The following FHIP1A variants were observed in gnomAD, a reference collection of about 807,000 sequenced individuals.
FHIP1A encodes FHF complex subunit HOOK interacting protein 1A, also known as FHF complex subunit HOOK-interacting protein 1A.
FHIP1A carries 61 observed loss-of-function variants against 88.6 expected under a neutral mutation model. That is an observed-to-expected ratio of 0.69 (90% CI 0.56 to 0.85). The LOEUF (loss-of-function observed/expected upper bound fraction) is 0.85, where lower values mean the gene tolerates loss of function less well. FHIP1A is among the 40% of genes least tolerant of loss of function. The pLI, the probability that FHIP1A is intolerant of heterozygous loss-of-function variation, is 0.00. For synonymous variants in FHIP1A, 478 were observed against 496.0 expected (o/e 0.96, Z 0.48); for missense variants, 1,154 against 1,273.5 (o/e 0.91, Z 1.43).
At chr4:151,446,452 T>G (rs1056615292) in intron 1 of FHIP1A, among the ~76,000 whole-genome samples, 2 of 139,526 alleles carry the variant, frequency 1.4e-5, no homozygotes, top group African/African-American at 5.0e-5. Flanking sequence ...TCTTTCTTCC[T>G]TTCCTTTCCT....
At chr4:151,452,355 A>G (rs113512509) in intron 1 of FHIP1A, among the ~76,000 whole-genome samples, 3 of 152,182 alleles carry the variant, frequency 2.0e-5, no homozygotes, top group Non-Finnish European at 4.4e-5. Flanking sequence ...CACCTTAGTG[A>G]AAGGAGATAT....
At chr4:151,564,955 T>G (rs910133680) in intron 3 of FHIP1A, among the ~76,000 whole-genome samples, 23 of 152,112 alleles carry the variant, frequency 1.5e-4, no homozygotes, top group Non-Finnish European at 3.1e-4. Context: ...CACAAGGAAC[T>G]TAACCCCTGA....
At chr4:151,587,022 C>G (rs1734243276) in intron 6 of FHIP1A, among the ~76,000 whole-genome samples, 2 of 152,046 alleles carry the variant, frequency 1.3e-5, no homozygotes, top group South Asian at 2.1e-4. Flanking sequence ...TCTTTATCTT[C>G]TTTATAAATT....
At chr4:151,569,429 G>A (rs1733513272) in intron 4 of FHIP1A, among the ~76,000 whole-genome samples, 1 of 152,030 alleles carries the variant, frequency 6.6e-6, no homozygotes, top group African/African-American at 2.4e-5. Context: ...GCGGGTGCCT[G>A]TAATCCCAGC....
At chr4:151,477,006 G>T (rs944101042) in intron 2 of FHIP1A, among the ~76,000 whole-genome samples, 7 of 152,098 alleles carry the variant, frequency 4.6e-5, no homozygotes, top group African/African-American at 1.4e-4. Flanking sequence ...AAATGGAAAG[G>T]TCCCATCATA....
At chr4:151,501,801 G>GTT (rs372529550) in intron 3 of FHIP1A, among the ~76,000 whole-genome samples, 1 of 135,084 alleles carries the variant, frequency 7.4e-6, no homozygotes, top group Admixed American at 7.4e-5. Context: ...AGTTGTAAGA[G>GTT]TTTTTTTTTT....
intron 8 of FHIP1A, among the ~76,000 whole-genome samples, chr4:151,635,947 A>C (rs559101919): frequency 1.3e-5 from 2 of 152,080 alleles, no homozygotes; most frequent in African/African-American, 4.8e-5. Context: ...AAAAATTAGA[A>C]GAGGAGGAAA....
At position 151,665,034 on chromosome 4, in the gene FHIP1A, G is replaced by C. The variant is rs1292437429; in HGVS notation, c.*2280G>C. Among the ~76,000 whole-genome samples, 1 of 152,118 alleles carries C rather than the reference G, an allele frequency of 6.6e-6. No individual in the cohort carries two copies. The highest frequency in any genetic ancestry group is 6.5e-5 in the Admixed American group (1 of 15,288). On this transcript the variant is annotated 3_prime_UTR_variant, in exon 14 of 14. Transcript: ENST00000435205. Reference sequence around the variant, plus strand: ...GCGCTGCCTGGGCTAGAGTGGAGTGGTGTGATCACAGCTCATTGTAGCCTC... The same window carrying C: ...GCGCTGCCTGGGCTAGAGTGGAGTGCTGTGATCACAGCTCATTGTAGCCTC...
At chr4:151,529,862 C>T (rs1731807643) in intron 3 of FHIP1A, among the ~76,000 whole-genome samples, 1 of 152,118 alleles carries the variant, frequency 6.6e-6, no homozygotes, top group Non-Finnish European at 1.5e-5. Context: ...TATTTGACTC[C>T]AGTAGGCCAT....
intron 3 of FHIP1A, among the ~76,000 whole-genome samples, chr4:151,538,261 T>C (rs1580682792): frequency 6.6e-6 from 1 of 152,300 alleles, no homozygotes. Flanking sequence ...ATCAATTTCT[T>C]CAGTTGTAGA....
Position 151,445,849 on chromosome 4 carries a change from AATAT to A in FHIP1A, c.-355-8831_-355-8828del, listed in dbSNP as rs56199696. ...CAGCCTGAGAGACCTCATCTCTTAA[AATAT>A]ATATATATATATATATATATTTCAT... On this transcript the variant is annotated intron_variant, in intron 1 of 13. Transcript: ENST00000435205. Among the ~76,000 whole-genome samples, 912 of 97,990 alleles carry A rather than the reference AATAT, an allele frequency of 9.3e-3. 36 individuals carry two copies. The highest frequency in any genetic ancestry group is 0.027 in the African/African-American group (762 of 28,614). 64.3% of individuals were successfully genotyped at this position (97,990 alleles called of 152,430 possible).
At chr4:151,578,608 A>G (rs1733902795) in intron 5 of FHIP1A, among the ~76,000 whole-genome samples, 1 of 152,208 alleles carries the variant, frequency 6.6e-6, no homozygotes, top group South Asian at 2.1e-4. Context: ...AAATGCTGGC[A>G]AGATGTGGAG....
chr4:151,664,453 T>C lies in FHIP1A; in HGVS notation c.*1699T>C, dbSNP rs537399619. 1.7e-3 allele frequency among the ~76,000 whole-genome samples: 263 copies of C among 152,350 alleles called. 1 individual carries two copies. The highest frequency in any genetic ancestry group is 3.3e-3 in the Non-Finnish European group (225 of 68,036). On this transcript the variant is annotated 3_prime_UTR_variant, in exon 14 of 14. Coordinates refer to ENST00000435205, the MANE Select transcript of FHIP1A (RefSeq NM_001109977.3). Reference sequence around the variant, plus strand: ...CAGGGTGAGCTGTTAGGAGCCAGCCTTGCTTTCGTGTTTCATAGTCCAAGC... The same window carrying C: ...CAGGGTGAGCTGTTAGGAGCCAGCCCTGCTTTCGTGTTTCATAGTCCAAGC...
chr4:151,482,703 A>G (rs545308864), intron 3 of FHIP1A, 55 bp downstream of exon 3: 109 of 150,306 alleles, frequency 7.3e-4, no homozygotes, highest in African/African-American at 2.3e-3. Flanking sequence ...GCTCAATAAT[A>G]TGTTATACTT....
chr4:151,624,195 C>T (rs1283220350), intron 7 of FHIP1A, among the ~76,000 whole-genome samples: 4 of 152,182 alleles, frequency 2.6e-5, no homozygotes, highest in Non-Finnish European at 5.9e-5. Context: ...TGCAGAAAAA[C>T]AATCAACCAA....
At chr4:151,496,740 T>TTTTTTTTTTTTTTTTTTTG in intron 3 of FHIP1A, among the ~76,000 whole-genome samples, 1 of 149,364 alleles carries the variant, frequency 6.7e-6, no homozygotes, top group Admixed American at 6.7e-5. Flanking sequence ...TTTTGTATTT[T>TTTTTTTTTTTTTTTTTTTG]TGATGGAGAT....
intron 3 of FHIP1A, among the ~76,000 whole-genome samples, chr4:151,523,695 C>G (rs1378367531): frequency 6.6e-6 from 1 of 152,148 alleles, no homozygotes; most frequent in African/African-American, 2.4e-5. Context: ...TGAGTTTCTC[C>G]TTTAGCCCTA....
chr4:151,597,084 A>G (rs1734675956), intron 7 of FHIP1A, among the ~76,000 whole-genome samples: 1 of 152,210 alleles, frequency 6.6e-6, no homozygotes, highest in African/African-American at 2.4e-5. Flanking sequence ...AGGTGTTGTG[A>G]TCCTTTGGAG....
intron 1 of FHIP1A, among the ~76,000 whole-genome samples, chr4:151,453,996 T>G (rs1728884090): frequency 1.3e-5 from 2 of 152,188 alleles, no homozygotes; most frequent in African/African-American, 2.4e-5. Context: ...ATGGGACACT[T>G]TTTAAAAACC....
Sources: gnomAD v4.1 joint callset for allele counts (sites outside exome capture counted in the v4.1 genomes callset) on GRCh38, gnomAD v4.1.1 for gene constraint, MANE v1.5 for transcripts, NCBI Gene and HGNC (gene_info 2026-07-23, HGNC 2026-07-21) for gene names.